The following FANCC variants were observed in gnomAD, a reference collection of about 807,000 sequenced individuals.
FANCC encodes FA complementation group C.
Under a neutral mutation model 71.3 loss-of-function variants are expected in FANCC, and 55 were observed. The observed-to-expected ratio is 0.77, with a 90% CI of 0.62 to 0.97. The LOEUF (loss-of-function observed/expected upper bound fraction) is 0.97, where lower values mean the gene tolerates loss of function less well. Ranked by LOEUF, FANCC falls within the 50% of genes least tolerant of loss-of-function variation. The pLI, the probability that FANCC is intolerant of heterozygous loss-of-function variation, is 0.00. For missense variants in FANCC, 678 were observed against 670.9 expected (o/e 1.01, Z -0.12); for synonymous variants, 275 against 244.9 (o/e 1.12, Z -1.15).
At chr9:95,132,369 G>A (rs142901597) in intron 8 of FANCC, among the ~76,000 whole-genome samples, 2 of 152,328 alleles carry the variant, frequency 1.3e-5, no homozygotes, top group East Asian at 1.9e-4. Context: ...TTGGGAAACC[G>A]AACAATGCCA....
intron 7 of FANCC, among the ~76,000 whole-genome samples, chr9:95,136,932 G>A (rs996602895): frequency 6.6e-6 from 1 of 152,166 alleles, no homozygotes. Context: ...CTGGCTCTGG[G>A]ATACAGTAGA....
In FANCC at chr9:95,276,536, T is replaced by A. The variant is rs116609232; in HGVS notation, c.-78-27167A>T. ...TATGTATACCTAACCTAAGGCTTCA[T>A]AAGGTGCTACTACTCATTCCTTGTC... On this transcript the variant is annotated intron_variant, in intron 1 of 14. Transcript: ENST00000289081. Among the ~76,000 whole-genome samples, 386 of 152,316 alleles carry A rather than the reference T, an allele frequency of 2.5e-3. 5 individuals carry two copies. The highest frequency in any genetic ancestry group is 8.9e-3 in the African/African-American group (369 of 41,580).
chr9:95,144,129 T>TG (rs1829177772), intron 7 of FANCC, among the ~76,000 whole-genome samples: 1 of 134,696 alleles, frequency 7.4e-6, no homozygotes, highest in Non-Finnish European at 1.6e-5. Context: ...GCAGCACATC[T>TG]GGGGAGGGGG....
intron 4 of FANCC, among the ~76,000 whole-genome samples, chr9:95,206,997 T>C (rs1287433935): frequency 6.6e-6 from 1 of 152,000 alleles, no homozygotes; most frequent in Non-Finnish European, 1.5e-5. Context: ...AACCAAACCC[T>C]GCTCCACCCC....
intron 1 of FANCC, among the ~76,000 whole-genome samples, chr9:95,295,770 T>TAA (rs765617250): frequency 3.2e-4 from 40 of 123,662 alleles, no homozygotes; most frequent in African/African-American, 3.6e-4. Flanking sequence ...CTGTATCAAT[T>TAA]AAAAAAAAAA....
intron 7 of FANCC, among the ~76,000 whole-genome samples, chr9:95,139,239 C>T (rs1021699400): frequency 3.3e-5 from 5 of 152,136 alleles, no homozygotes; most frequent in African/African-American, 9.7e-5. Flanking sequence ...AACGCACCGA[C>T]GTGGTCTCAG....
At chr9:95,316,368 T>C (rs900962091) in intron 1 of FANCC, among the ~76,000 whole-genome samples, 18 of 152,212 alleles carry the variant, frequency 1.2e-4, no homozygotes, top group Admixed American at 3.9e-4. Context: ...CCATCTAAGC[T>C]TAGGTAATGA....
At chr9:95,229,089 G>C (rs1189583614) in intron 4 of FANCC, among the ~76,000 whole-genome samples, 1 of 152,134 alleles carries the variant, frequency 6.6e-6, no homozygotes, top group African/African-American at 2.4e-5. Flanking sequence ...CCTGAGGTCA[G>C]GAGTTCAAGA....
intron 8 of FANCC, among the ~76,000 whole-genome samples, chr9:95,129,869 G>A (rs1180001815): frequency 6.6e-6 from 1 of 152,116 alleles, no homozygotes; most frequent in Non-Finnish European, 1.5e-5. Flanking sequence ...GTATAGACCC[G>A]ATTGTTCTGC....
chr9:95,209,147 A>T (rs1012066614), intron 4 of FANCC, among the ~76,000 whole-genome samples: 2 of 152,244 alleles, frequency 1.3e-5, no homozygotes, highest in Non-Finnish European at 2.9e-5. Context: ...ATAATCTATG[A>T]TTCCAACTAC....
chr9:95,262,915 T>C (rs1036126566), intron 1 of FANCC, among the ~76,000 whole-genome samples: 1 of 152,198 alleles, frequency 6.6e-6, no homozygotes, highest in Non-Finnish European at 1.5e-5. Context: ...ATAGTCAAAT[T>C]CACAGAGGCA....
Position 95,100,296 on chromosome 9 carries a change from C to T in FANCC, c.*1411G>A, listed in dbSNP as rs1253766791. ...GCCACCAAAATACTTTACCAGCACA[C>T]CCTTCTGACTGCAGCATTTCTCAGA... is the stretch of plus-strand genomic sequence containing the variant. On this transcript the variant is annotated 3_prime_UTR_variant, in exon 15 of 15. Coordinates refer to ENST00000289081, the MANE Select transcript of FANCC (RefSeq NM_000136.3). 1 of 232,714 alleles carries T rather than the reference C, an allele frequency of 4.3e-6. No individual in the cohort carries two copies. Among genetic ancestry groups the T allele is most frequent in the Non-Finnish European group, 8.5e-6 (1 of 117,752 alleles). The allele number at this position is 232,714 out of a possible 1,614,324, so 14.4% of individuals were successfully genotyped here.
chr9:95,279,469 G>A (rs1833245381), intron 1 of FANCC, among the ~76,000 whole-genome samples: 1 of 150,992 alleles, frequency 6.6e-6, no homozygotes, highest in African/African-American at 2.4e-5. Context: ...CCATGCCACT[G>A]CACTCCAGCC....
At chr9:95,110,693 G>A in intron 13 of FANCC, 3 of 1,056,988 alleles carry the variant, frequency 2.8e-6, no homozygotes, top group Non-Finnish European at 3.4e-6. Context: ...GAGAAGCAGG[G>A]CTCTATACAA....
At chr9:95,249,494 A>T (rs981530364) in intron 1 of FANCC, 125 bp from the exon 2 acceptor site, 10 of 585,302 alleles carry the variant, frequency 1.7e-5, no homozygotes, top group African/African-American at 9.3e-5. Flanking sequence ...TGCTGGAGCC[A>T]TCTTTGAATT....
At chr9:95,317,040 C>G (rs1428213844) in intron 1 of FANCC, 1 of 152,372 alleles carries the variant, frequency 6.6e-6, no homozygotes, top group Non-Finnish European at 1.5e-5. Context: ...GTGTGAGGGA[C>G]GGGGAGGACG....
intron 1 of FANCC, among the ~76,000 whole-genome samples, chr9:95,310,639 G>A (rs979097211): frequency 2.6e-5 from 4 of 152,026 alleles, no homozygotes; most frequent in South Asian, 2.1e-4. Context: ...TGACTGTGAC[G>A]AATCAATAAA....
chr9:95,186,018 GT>G, intron 4 of FANCC, among the ~76,000 whole-genome samples: 1 of 152,108 alleles, frequency 6.6e-6, no homozygotes, highest in Middle Eastern at 3.4e-3. Context: ...GCACTTTTTT[GT>G]TTTTGTTTTT....
At chr9:95,185,011 A>G (rs1314976769) in intron 4 of FANCC, among the ~76,000 whole-genome samples, 3 of 152,256 alleles carry the variant, frequency 2.0e-5, no homozygotes, top group Non-Finnish European at 4.4e-5. Flanking sequence ...AGTTTCACTG[A>G]TAACTCTTAA....
Sources: gnomAD v4.1 joint callset for allele counts (sites outside exome capture counted in the v4.1 genomes callset) on GRCh38, gnomAD v4.1.1 for gene constraint, MANE v1.5 for transcripts, NCBI Gene and HGNC (gene_info 2026-07-23, HGNC 2026-07-21) for gene names.